The following IQGAP1 variants were observed in gnomAD, a reference collection of about 807,000 sequenced individuals.
IQGAP1 encodes the protein IQ motif containing GTPase activating protein 1.
Under a neutral mutation model 215.6 loss-of-function variants are expected in IQGAP1, and 66 were observed. The observed-to-expected ratio is 0.31, with a 90% CI of 0.25 to 0.38. The LOEUF is 0.38. Among genes scored for constraint, IQGAP1 ranks in the 10% least tolerant of loss-of-function variants. The pLI is 1.00. For synonymous variants in IQGAP1, 772 were observed against 728.7 expected (o/e 1.06, Z -0.96); for missense variants, 1,712 against 1,997.1 (o/e 0.86, Z 2.72).
rs1410507236 is a variant in IQGAP1, at chr15:90,491,484, C to T, written c.4400C>T (p.Thr1467Ile). The change falls in exon 34 of 38, where the codon ACA (threonine) becomes ATA (isoleucine). Residue 1467 changes from threonine to isoleucine, a missense_variant. Thr to Ile is a moderately conservative substitution (Grantham distance 89, BLOSUM62 -1). This residue lies in a region of IQGAP1 where 691 missense variants were observed against 923.0 expected (regional missense o/e 0.75). Transcript: ENST00000268182. ...EKIQTGLKKL[T>I]ELGTVDPKNK... ...ATCCAGACAGGTTTAAAGAAGCTAA[C>T]AGAGCTTGGAACCGTGGACCCAAAG... is the stretch of plus-strand genomic sequence containing the variant. The T allele has an allele frequency of 2.5e-6, 4 of 1,614,154 alleles. 1 individual carries two copies. In the South Asian group the frequency reaches 4.4e-5, roughly 18 times the overall value.
chr15:90,390,762 T>G lies in IQGAP1; in HGVS notation c.56-12T>G. ...AGATCCTGGTGTTTACATTCTTTCTTTTATGTTGTAGCTGTCCTGGATAAT... is the reference window on the plus strand; with the variant it reads ...AGATCCTGGTGTTTACATTCTTTCTGTTATGTTGTAGCTGTCCTGGATAAT... On this transcript the variant is annotated splice_polypyrimidine_tract_variant and intron_variant, in intron 1 of 37. Coordinates refer to ENST00000268182, the MANE Select transcript of IQGAP1 (RefSeq NM_003870.4). 6.4e-7 allele frequency: 1 copy of G among 1,571,608 alleles called. No homozygotes were observed. The highest frequency in any genetic ancestry group is 8.8e-7 in the Non-Finnish European group (1 of 1,141,578).
intron 33 of IQGAP1, 70 bp from the exon 34 acceptor site, chr15:90,491,263 T>C: frequency 7.7e-7 from 1 of 1,292,246 alleles, no homozygotes; most frequent in Non-Finnish European, 1.1e-6. Context: ...CAGGTGCAAA[T>C]GTGCTATATA....
chr15:90,388,527 C>A, intron 1 of IQGAP1, 131 bp downstream of exon 1: 1 of 782,380 alleles, frequency 1.3e-6, no homozygotes, highest in Admixed American at 4.4e-5. Flanking sequence ...GAAGAGCCGT[C>A]CCGGTGGGGC....
chr15:90,450,817 T>G (rs1281855098), intron 11 of IQGAP1, among the ~76,000 whole-genome samples: 1 of 145,102 alleles, frequency 6.9e-6, no homozygotes, highest in Non-Finnish European at 1.5e-5. Context: ...TTTTTTTTGT[T>G]TTTTTTTTTT....
At chr15:90,457,975 C>T (rs1384604886) in intron 15 of IQGAP1, among the ~76,000 whole-genome samples, 1 of 152,174 alleles carries the variant, frequency 6.6e-6, no homozygotes, top group Admixed American at 6.5e-5. Context: ...GTCATCACCA[C>T]AGTCAATTTT....
intron 2 of IQGAP1, among the ~76,000 whole-genome samples, chr15:90,425,376 C>T (rs905988431): frequency 1.3e-5 from 2 of 151,972 alleles, no homozygotes; most frequent in East Asian, 1.9e-4. Context: ...CCTATGTTTC[C>T]GTTGGTAGAA....
Position 90,491,554 on chromosome 15 carries a change from T to A in IQGAP1, c.4461+9T>A. The A allele has an allele frequency of 6.2e-7, 1 of 1,611,908 alleles. No homozygotes were observed. The highest frequency in any genetic ancestry group is 8.5e-7 in the Non-Finnish European group (1 of 1,178,120). On this transcript the variant is annotated intron_variant, in intron 34 of 37. Transcript: ENST00000268182. Reference sequence around the variant, plus strand: ...TCAACGACATTGCCAGGGTACTGCATTCGGGGGACAGAGGGGACCCGGCCT... The same window carrying A: ...TCAACGACATTGCCAGGGTACTGCAATCGGGGGACAGAGGGGACCCGGCCT...
In IQGAP1 at chr15:90,476,806, T is replaced by G. The variant is rs1488224029; in HGVS notation, c.2928T>G (p.Phe976Leu). ...REKLEAYQHL[F>L]YLLQTNPTYL... The stretch of plus-strand genomic sequence containing the variant: ...AGTTGGAAGCTTACCAGCACCTGTT[T>G]TATTTATTGCAAGTAAGTGGCTCCT... Residue 976 changes from phenylalanine (F) to leucine (L), a missense_variant, in exon 24 of 38, where the codon TTT becomes TTG. By Grantham distance (22) the Phe-to-Leu change is conservative. Around this residue, in one of 2 missense-constraint regions of IQGAP1, gnomAD observed 691 missense variants for 923.0 expected, o/e 0.75. Coordinates refer to ENST00000268182, the MANE Select transcript of IQGAP1 (RefSeq NM_003870.4). 3.1e-6 allele frequency: 5 copies of G among 1,587,756 alleles called. No homozygotes were observed. The highest frequency in any genetic ancestry group is 3.4e-6 in the Non-Finnish European group (4 of 1,174,190).
At chr15:90,497,869 A>C (rs949719729) in intron 37 of IQGAP1, among the ~76,000 whole-genome samples, 3 of 152,190 alleles carry the variant, frequency 2.0e-5, no homozygotes, top group African/African-American at 4.8e-5. Context: ...AAAAAATAAC[A>C]GGGCATCGAG....
At chr15:90,404,466 C>T (rs1043128706) in intron 2 of IQGAP1, among the ~76,000 whole-genome samples, 8 of 152,238 alleles carry the variant, frequency 5.3e-5, no homozygotes, top group Middle Eastern at 3.4e-3. Context: ...TGAACTTTTT[C>T]GGTAGAATCC....
At chr15:90,448,866 G>GT (rs1965561144) in intron 10 of IQGAP1, 130 bp downstream of exon 10, 1 of 823,208 alleles carries the variant, frequency 1.2e-6, no homozygotes, top group Admixed American at 4.2e-5. Flanking sequence ...ATATAAATTA[G>GT]TTTAAAAAAA....
At chr15:90,455,826 G>A (rs527280317) in intron 14 of IQGAP1, among the ~76,000 whole-genome samples, 11 of 152,282 alleles carry the variant, frequency 7.2e-5, no homozygotes, top group African/African-American at 2.6e-4. Context: ...TGTGACTCAA[G>A]AATGTTTTTG....
chr15:90,422,662 A>ATATATATATATATATATATG (rs1965161933), intron 2 of IQGAP1, among the ~76,000 whole-genome samples: 1 of 73,124 alleles, frequency 1.4e-5, no homozygotes, highest in Non-Finnish European at 2.5e-5. Context: ...ATATATATGT[A>ATATATATATATATATATATG]TATATATATA....
chr15:90,455,382 C>G (rs1172712483), intron 14 of IQGAP1, among the ~76,000 whole-genome samples: 2 of 152,190 alleles, frequency 1.3e-5, no homozygotes. Flanking sequence ...CTTAAACTCT[C>G]ATGAGGCCAA....
rs57749054 is a variant in IQGAP1, at chr15:90,428,131, A to G, written c.313-1458A>G. Among the ~76,000 whole-genome samples the G allele has an allele frequency of 1.8e-3, 281 of 152,100 alleles. 6 individuals carry two copies. The East Asian group carries it at 0.048, about 26-fold the overall frequency. On this transcript the variant is annotated intron_variant, in intron 3 of 37. Coordinates refer to ENST00000268182, the MANE Select transcript of IQGAP1 (RefSeq NM_003870.4). The stretch of plus-strand genomic sequence containing the variant: ...GTGTCACCCAGGCTAGAGTGCAGTA[A>G]TGCCATCATGGCTCACTGCAGCCCT...
chr15:90,441,759 C>A (rs911781631), intron 8 of IQGAP1, 75 bp downstream of exon 8: 3 of 1,065,490 alleles, frequency 2.8e-6, no homozygotes, highest in Non-Finnish European at 4.1e-6. Context: ...GTTTAAACAT[C>A]AGTTTTATTG....
chr15:90,401,146 G>A (rs190504407), intron 2 of IQGAP1, among the ~76,000 whole-genome samples: 1 of 152,176 alleles, frequency 6.6e-6, no homozygotes, highest in Non-Finnish European at 1.5e-5. Context: ...GTGGCCTACC[G>A]GATCAAATCA....
chr15:90,454,475 A>G lies in IQGAP1; in HGVS notation c.1535A>G (p.Asn512Ser), dbSNP rs751921106. ...CTGAAGGCTCAGGCACATGCAGAGA[A>G]TAATGAATTCATTACATGGAATGAT... Reference protein sequence around the residue: ...MKLKAQAHAENNEFITWNDIQ... With the variant: ...MKLKAQAHAESNEFITWNDIQ... The change falls in exon 14 of 38, where the codon AAT becomes AGT. Residue 512 changes from asparagine to serine, a missense_variant. This residue lies in a region of IQGAP1 where 1,021 missense variants were observed against 1,074.2 expected (regional missense o/e 0.95). Coordinates refer to ENST00000268182, the MANE Select transcript of IQGAP1 (RefSeq NM_003870.4). 4 of 1,612,622 alleles carry G rather than the reference A, an allele frequency of 2.5e-6. No homozygotes were observed. The highest frequency in any genetic ancestry group is 3.4e-6 in the Non-Finnish European group (4 of 1,179,516).
At chr15:90,467,961 T>C (rs1323688383) in intron 18 of IQGAP1, among the ~76,000 whole-genome samples, 1 of 152,244 alleles carries the variant, frequency 6.6e-6, no homozygotes, top group Non-Finnish European at 1.5e-5. Context: ...CACTTTCAAA[T>C]AAAGTTAGCA....
Sources: gnomAD v4.1 joint callset for allele counts (sites outside exome capture counted in the v4.1 genomes callset) on GRCh38, gnomAD v4.1.1 for gene constraint, gnomAD v4.1.1 regional missense constraint, MANE v1.5 for transcripts, NCBI Gene and HGNC (gene_info 2026-07-23, HGNC 2026-07-21) for gene names.